The following LDLRAP1 variants were observed in gnomAD, a reference collection of about 807,000 sequenced individuals.
LDLRAP1 encodes the protein low density lipoprotein receptor adapter protein 1.
LDLRAP1 carries 30 observed loss-of-function variants against 37.8 expected under a neutral mutation model. The ratio of observed to expected loss-of-function variants is 0.79; its 90% confidence interval spans 0.59 to 1.08. The LOEUF is 1.08. LDLRAP1 is among the 50% of genes least tolerant of loss of function. The pLI is 0.00. For missense variants in LDLRAP1, 375 were observed against 401.6 expected, an observed-to-expected ratio of 0.93 and a Z score of 0.57; for synonymous variants, 156 against 169.8, an observed-to-expected ratio of 0.92 and a Z score of 0.63.
the LDLRAP1 span, among the ~76,000 whole-genome samples, chr1:25,575,870 G>T: frequency 6.6e-6 from 1 of 152,176 alleles, no homozygotes; most frequent in Non-Finnish European, 1.5e-5. Context: ...GGCATGACTT[G>T]CCCATGGTCA....
At position 25,553,911 on chromosome 1, in the gene LDLRAP1, T is replaced by C. The variant is rs1362448908; in HGVS notation, c.89-11T>C. 1 of 1,613,264 alleles carries C rather than the reference T, an allele frequency of 6.2e-7. No homozygotes were observed. Among genetic ancestry groups the C allele is most frequent in the Non-Finnish European group, 8.5e-7 (1 of 1,179,882 alleles). On this transcript the variant is annotated splice_polypyrimidine_tract_variant and intron_variant, in intron 1 of 8. Coordinates refer to ENST00000374338, the MANE Select transcript of LDLRAP1 (RefSeq NM_015627.3). ...CCGCAGGGTCTGAGGGCCTACCCTG[T>C]GCTACCCCAGAGCTGCCTGAGAACT... is the stretch of plus-strand genomic sequence containing the variant.
intron 1 of LDLRAP1, among the ~76,000 whole-genome samples, chr1:25,547,631 C>T (rs114621612): frequency 0.01 from 1,570 of 152,226 alleles, 25 homozygotes; most frequent in African/African-American, 0.033. Flanking sequence ...AGGGGCAGTT[C>T]CCGGAAGCCC....
chr1:25,571,004 G>A (rs1403711757), downstream of LDLRAP1, among the ~76,000 whole-genome samples: 1 of 152,210 alleles, frequency 6.6e-6, no homozygotes, highest in Non-Finnish European at 1.5e-5. Flanking sequence ...GGGTGAAGGA[G>A]GATCAACAAG....
chr1:25,544,423 C>T lies in LDLRAP1; in HGVS notation c.88+637C>T, dbSNP rs995445314. ...CATCAGGCGATCTAGACCCTTACGTCCCTTCCTCTAGCCGGGTCCAGGTGG... is the reference window on the plus strand; with the variant it reads ...CATCAGGCGATCTAGACCCTTACGTTCCTTCCTCTAGCCGGGTCCAGGTGG... On this transcript the variant is annotated intron_variant, in intron 1 of 8. Coordinates refer to ENST00000374338, the MANE Select transcript of LDLRAP1 (RefSeq NM_015627.3). This position sits in a 1 kb window ranked among gnomAD's most constrained non-coding sequence, Gnocchi z 4.8. Among the ~76,000 whole-genome samples the T allele has an allele frequency of 1.3e-5, 2 of 152,220 alleles. No individual in the cohort carries two copies. Among genetic ancestry groups the T allele is most frequent in the African/African-American group, 2.4e-5 (1 of 41,458 alleles).
At position 25,562,973 on chromosome 1, in the gene LDLRAP1, C is replaced by T. The variant is rs570837810; in HGVS notation, c.533-97C>T. ...CCCGGCTGGAAACCTGAAACTGCCCCTTGAGGTTGGCCACCGCTAATCACC... is the reference window on the plus strand; with the variant it reads ...CCCGGCTGGAAACCTGAAACTGCCCTTTGAGGTTGGCCACCGCTAATCACC... On this transcript the variant is annotated intron_variant, in intron 5 of 8. Coordinates refer to ENST00000374338, the MANE Select transcript of LDLRAP1 (RefSeq NM_015627.3). The T allele has an allele frequency of 5.0e-6, 6 of 1,199,048 alleles. No homozygotes were observed. In the East Asian group the frequency reaches 1.4e-4, roughly 28 times the overall value. The allele number at this position is 1,199,048 out of a possible 1,614,324, so 74.3% of individuals were successfully genotyped here.
In LDLRAP1 at chr1:25,567,914, G is replaced by A. The variant is rs2044526998; in HGVS notation, c.*922G>A. 1 of 152,606 alleles carries A rather than the reference G, an allele frequency of 6.6e-6. No homozygotes were observed. Among genetic ancestry groups the A allele is most frequent in the Admixed American group, 6.5e-5 (1 of 15,286 alleles). 9.5% of individuals were successfully genotyped at this position (152,606 alleles called of 1,614,324 possible). On this transcript the variant is annotated 3_prime_UTR_variant, in exon 9 of 9. Transcript: ENST00000374338. ...GCCTCCCCATACTTCCTGGGATGAT[G>A]TGTGAAACCTGACACCTAGATTTAT...
intron 1 of LDLRAP1, among the ~76,000 whole-genome samples, chr1:25,548,293 T>G (rs1020909695): frequency 1.3e-5 from 2 of 150,622 alleles, no homozygotes; most frequent in African/African-American, 4.9e-5. Context: ...ACCTCGGGTG[T>G]GAACTCAGTT....
chr1:25,558,617 A>G (rs556119441), intron 4 of LDLRAP1, among the ~76,000 whole-genome samples: 33 of 152,112 alleles, frequency 2.2e-4, no homozygotes, highest in African/African-American at 8.0e-4. Flanking sequence ...GCCTGTCCTC[A>G]TCTTCCGAGC....
At chr1:25,547,112 T>C (rs951592134) in intron 1 of LDLRAP1, among the ~76,000 whole-genome samples, 1 of 152,146 alleles carries the variant, frequency 6.6e-6, no homozygotes, top group African/African-American at 2.4e-5. Flanking sequence ...GTGCAAGTCA[T>C]TTATTTGGGA....
chr1:25,552,235 T>C (rs2044088546), intron 1 of LDLRAP1, among the ~76,000 whole-genome samples: 1 of 152,202 alleles, frequency 6.6e-6, no homozygotes, highest in East Asian at 1.9e-4. Flanking sequence ...GAGCCGGAAC[T>C]CCAGAACCAA....
In LDLRAP1 at chr1:25,568,855, CAAAT is replaced by C. The variant is rs771395194; in HGVS notation, c.*1866_*1869del. 6.6e-6 allele frequency: 1 copy of C among 152,232 alleles called. No homozygotes were observed. Among genetic ancestry groups the C allele is most frequent in the Non-Finnish European group, 1.5e-5 (1 of 68,044 alleles). 9.4% of individuals were successfully genotyped at this position (152,232 alleles called of 1,614,324 possible). ...TTGTGAAACTTTAATGAGGAAAAAA[CAAAT>C]AATAAATGTTCTCGTTTTGAAACTC... On this transcript the variant is annotated 3_prime_UTR_variant, in exon 9 of 9. Coordinates refer to ENST00000374338, the MANE Select transcript of LDLRAP1 (RefSeq NM_015627.3).
chr1:25,572,138 G>C (rs1037129163), downstream of LDLRAP1, among the ~76,000 whole-genome samples: 2 of 152,204 alleles, frequency 1.3e-5, no homozygotes, highest in African/African-American at 4.8e-5. Context: ...TGCTAGCCTG[G>C]GAGCTCCCTG....
rs1447037428 is a variant in LDLRAP1, at chr1:25,563,091, C to G, written c.554C>G (p.Ala185Gly). 8.7e-6 allele frequency: 14 copies of G among 1,613,970 alleles called. No homozygotes were observed. Among genetic ancestry groups the G allele is most frequent in the Non-Finnish European group, 1.1e-5 (13 of 1,179,996 alleles). ...SKEEKEKRDK[A>G]SQEGGDVLGA... is the part of the protein sequence containing the mutation. ...GCAGAGAAAGAGAAGAGGGACAAAG[C>G]CAGCCAAGAGGGAGGGGACGTCCTG... is the stretch of plus-strand genomic sequence containing the variant. The change falls in exon 6 of 9, where the codon GCC (alanine) becomes GGC (glycine). Residue 185 changes from alanine (A) to glycine (G), a missense_variant. Transcript: ENST00000374338.
chr1:25,559,967 A>G (rs528997557), intron 4 of LDLRAP1, among the ~76,000 whole-genome samples: 6 of 152,124 alleles, frequency 3.9e-5, no homozygotes, highest in Non-Finnish European at 5.9e-5. Context: ...AAATCTCACT[A>G]ACTTCCCTGA....
chr1:25,589,150 CA>C, the LDLRAP1 span, among the ~76,000 whole-genome samples: 3 of 151,830 alleles, frequency 2.0e-5, no homozygotes, highest in Non-Finnish European at 4.4e-5. Flanking sequence ...CTAAAAATAC[CA>C]AAATTAGCCA....
intron 1 of LDLRAP1, among the ~76,000 whole-genome samples, chr1:25,549,255 G>A (rs1443268572): frequency 2.6e-5 from 4 of 152,224 alleles, no homozygotes; most frequent in Admixed American, 2.6e-4. Context: ...TCAGGGCAGA[G>A]CTTGAGCCCT....
chr1:25,589,468 C>T, the LDLRAP1 span, among the ~76,000 whole-genome samples: 8 of 152,098 alleles, frequency 5.3e-5, no homozygotes, highest in African/African-American at 1.7e-4. Context: ...GTGTGTGAGA[C>T]GTTTCTAGAA....
intron 1 of LDLRAP1, 107 bp downstream of exon 1, chr1:25,543,893 C>T (rs2043865118): frequency 1.6e-6 from 1 of 640,074 alleles, no homozygotes; most frequent in South Asian, 7.9e-5. Context: ...GGGGCCTCAC[C>T]GGCGCTCCGG....
In LDLRAP1 at chr1:25,562,711, A is replaced by G. The variant is rs1201196528; in HGVS notation, c.527A>G (p.Lys176Arg). 4 of 1,613,974 alleles carry G rather than the reference A, an allele frequency of 2.5e-6. No homozygotes were observed. Among genetic ancestry groups the G allele is most frequent in the African/African-American group, 2.7e-5 (2 of 75,042 alleles). The change falls in exon 5 of 9, where the codon AAG becomes AGG. Residue 176 changes from lysine (K) to arginine (R), a missense_variant. Transcript: ENST00000374338. ...KVAFEFWQVS[K>R]EEKEKRDKAS... ...GCCTTTGAGTTTTGGCAGGTGTCCA[A>G]GGAAGGTGAGACTTTGCATCTACAT... is the stretch of plus-strand genomic sequence containing the variant.
Sources: gnomAD v4.1 joint callset for allele counts (sites outside exome capture counted in the v4.1 genomes callset) on GRCh38, gnomAD v4.1.1 for gene constraint, Gnocchi (gnomAD v3.1) non-coding constraint, MANE v1.5 for transcripts, NCBI Gene and HGNC (gene_info 2026-07-23, HGNC 2026-07-21) for gene names.